Variants in UBE2G1 observed in about 807,000 individuals in gnomAD.
UBE2G1 encodes ubiquitin-conjugating enzyme E2 G1.
A neutral mutation model predicts 22.7 loss-of-function variants in UBE2G1; 5 were observed. The observed-to-expected ratio is 0.22, with a 90% CI of 0.12 to 0.46. The LOEUF (loss-of-function observed/expected upper bound fraction) is 0.46. Among genes scored for constraint, UBE2G1 ranks in the 20% least tolerant of loss-of-function variants. The probability of loss-of-function intolerance (pLI) is 0.99; values close to 1 mark genes in which losing one functional copy is unlikely to be tolerated. For synonymous variants in UBE2G1, 74 were observed against 67.5 expected (o/e 1.10, Z -0.47); for missense variants, 88 against 203.9 (o/e 0.43, Z 3.46).
At chr17:4,289,521 T>A in intron 3 of UBE2G1, 113 bp from the exon 4 acceptor site, 2 of 1,181,556 alleles carry the variant, frequency 1.7e-6, no homozygotes, top group Non-Finnish European at 2.3e-6. Flanking sequence ...ACATGACACA[T>A]ACGCAGAAGT....
At chr17:4,363,722 ACGGG>A (rs1014961101) in intron 1 of UBE2G1, among the ~76,000 whole-genome samples, 1 of 150,308 alleles carries the variant, frequency 6.7e-6, no homozygotes, top group Non-Finnish European at 1.5e-5. Flanking sequence ...GGAGGCTGAG[ACGGG>A]CGGATCACGA....
At chr17:4,336,591 T>TGCAA (rs1969651255) in intron 1 of UBE2G1, among the ~76,000 whole-genome samples, 1 of 152,014 alleles carries the variant, frequency 6.6e-6, no homozygotes, top group Non-Finnish European at 1.5e-5. Context: ...AGTACAATGG[T>TGCAA]GCAAGGCTCA....
At chr17:4,314,414 G>T (rs1242425279) in intron 1 of UBE2G1, among the ~76,000 whole-genome samples, 2 of 152,174 alleles carry the variant, frequency 1.3e-5, no homozygotes, top group South Asian at 2.1e-4. Context: ...TTAAATCCAT[G>T]AGTTTATAAC....
chr17:4,294,101 G>A (rs946177585), intron 3 of UBE2G1, among the ~76,000 whole-genome samples: 2 of 152,114 alleles, frequency 1.3e-5, no homozygotes, highest in Non-Finnish European at 2.9e-5. Flanking sequence ...TGAAGTTCAA[G>A]CCAAGCATCA....
chr17:4,290,462 T>C (rs1019587379), intron 3 of UBE2G1, among the ~76,000 whole-genome samples: 1 of 152,124 alleles, frequency 6.6e-6, no homozygotes, highest in African/African-American at 2.4e-5. Flanking sequence ...TTTTTTGGTG[T>C]TGTCTGTTGT....
chr17:4,298,737 CA>C (rs1969139484), intron 2 of UBE2G1, among the ~76,000 whole-genome samples: 1 of 151,988 alleles, frequency 6.6e-6, no homozygotes, highest in Non-Finnish European at 1.5e-5. Flanking sequence ...ACAATTTATA[CA>C]AAAAATTTAA....
At chr17:4,329,803 C>T (rs1356036119) in intron 1 of UBE2G1, among the ~76,000 whole-genome samples, 1 of 145,928 alleles carries the variant, frequency 6.9e-6, no homozygotes, top group Non-Finnish European at 1.5e-5. Context: ...TAGTCCATTG[C>T]CATTAGGCTT....
intron 1 of UBE2G1, among the ~76,000 whole-genome samples, chr17:4,347,457 A>ACAG (rs1181474171): frequency 3.7e-5 from 5 of 135,446 alleles, no homozygotes; most frequent in African/African-American, 1.5e-4. Flanking sequence ...GGTAATTCTC[A>ACAG]CAGTATTTCT....
intron 3 of UBE2G1, among the ~76,000 whole-genome samples, chr17:4,289,620 A>G (rs1474488686): frequency 6.6e-6 from 1 of 152,238 alleles, no homozygotes; most frequent in African/African-American, 2.4e-5. Context: ...CAAACCCAAT[A>G]GGAATACAAG....
At chr17:4,339,387 C>T (rs1480082555) in intron 1 of UBE2G1, among the ~76,000 whole-genome samples, 3 of 151,922 alleles carry the variant, frequency 2.0e-5, no homozygotes, top group African/African-American at 7.3e-5. Flanking sequence ...TCCCTGCAAC[C>T]TTCGACTCCC....
chr17:4,335,441 A>G (rs891495462), intron 1 of UBE2G1: 1 of 152,190 alleles, frequency 6.6e-6, no homozygotes, highest in Non-Finnish European at 1.5e-5. Flanking sequence ...ACGTAACCCA[A>G]AAATTCTGTA....
intron 1 of UBE2G1, among the ~76,000 whole-genome samples, chr17:4,337,163 G>A (rs1208584682): frequency 6.6e-6 from 1 of 151,914 alleles, no homozygotes; most frequent in Non-Finnish European, 1.5e-5. Context: ...TGGTACGACT[G>A]GGCCTAGCGG....
intron 1 of UBE2G1, among the ~76,000 whole-genome samples, chr17:4,328,226 T>C (rs1285168848): frequency 6.6e-6 from 1 of 152,210 alleles, no homozygotes; most frequent in Non-Finnish European, 1.5e-5. Context: ...AGAACCCATA[T>C]ATTAAGCTAA....
At chr17:4,359,868 C>A (rs72829399) in intron 1 of UBE2G1, among the ~76,000 whole-genome samples, 924 of 49,936 alleles carry the variant, frequency 0.019, 13 homozygotes, top group African/African-American at 0.064. Flanking sequence ...AAAAAAAAAA[C>A]AAACAAAAAA....
rs923887685 is a variant in UBE2G1, at chr17:4,272,393, T to C, written c.*161A>G. On this transcript the variant is annotated 3_prime_UTR_variant, in exon 6 of 6. Coordinates refer to ENST00000396981, the MANE Select transcript of UBE2G1 (RefSeq NM_003342.5). The stretch of plus-strand genomic sequence containing the variant: ...GGCACTTGTTAGGCTCTTGTCAGCA[T>C]TGATAACTGGCATGTTTTATTGCAG... The C allele has an allele frequency of 5.4e-6, 1 of 186,612 alleles. No individual in the cohort carries two copies. Among genetic ancestry groups the C allele is most frequent in the East Asian group, 1.9e-4 (1 of 5,210 alleles). 11.6% of individuals were successfully genotyped at this position (186,612 alleles called of 1,614,324 possible).
intron 4 of UBE2G1, among the ~76,000 whole-genome samples, chr17:4,286,592 G>C (rs926172800): frequency 6.6e-5 from 10 of 152,104 alleles, no homozygotes; most frequent in Non-Finnish European, 1.0e-4. Context: ...TCACATTAAG[G>C]CCTATTTCAA....
At chr17:4,305,015 C>T (rs1391819998) in intron 2 of UBE2G1, among the ~76,000 whole-genome samples, 1 of 150,040 alleles carries the variant, frequency 6.7e-6, no homozygotes, top group Non-Finnish European at 1.5e-5. Context: ...GTGGGTGACA[C>T]GATCCCGGCT....
intron 1 of UBE2G1, among the ~76,000 whole-genome samples, chr17:4,352,195 C>T (rs930247035): frequency 1.3e-5 from 2 of 152,148 alleles, no homozygotes; most frequent in African/African-American, 4.8e-5. Flanking sequence ...ATCGTATCAA[C>T]ATTAATTTTA....
Position 4,272,259 on chromosome 17 carries a change from C to A in UBE2G1, c.*295G>T, listed in dbSNP as rs1968769304. 1 of 153,084 alleles carries A rather than the reference C, an allele frequency of 6.5e-6. No individual in the cohort carries two copies. Among genetic ancestry groups the A allele is most frequent in the African/African-American group, 2.4e-5 (1 of 41,528 alleles). The allele number at this position is 153,084 out of a possible 1,614,324, so 9.5% of individuals were successfully genotyped here. The stretch of plus-strand genomic sequence containing the variant: ...AGGTGTATTTGTGGATGTACATGAA[C>A]AGTATATATATTATCCGGATCATGT... On this transcript the variant is annotated 3_prime_UTR_variant, in exon 6 of 6. Coordinates refer to ENST00000396981, the MANE Select transcript of UBE2G1 (RefSeq NM_003342.5).
Sources: allele counts gnomAD v4.1 joint callset (sites outside exome capture counted in the v4.1 genomes callset), GRCh38; gene constraint gnomAD v4.1.1; transcripts MANE v1.5; gene names NCBI Gene and HGNC (gene_info 2026-07-23, HGNC 2026-07-21).